GATAD2B: variants seen among roughly 807,000 people sequenced by gnomAD.
GATAD2B encodes transcriptional repressor p66-beta.
In GATAD2B, 8 loss-of-function variants were observed where a neutral mutation model predicts 64.3. The observed-to-expected ratio is 0.12, with a 90% CI of 0.07 to 0.22. The LOEUF (loss-of-function observed/expected upper bound fraction) is 0.22. Ranked by LOEUF, GATAD2B falls within the 10% of genes least tolerant of loss-of-function variation. GATAD2B has a pLI of 1.00. For synonymous variants in GATAD2B, 281 were observed against 271.3 expected (o/e 1.04, Z -0.35); for missense variants, 453 against 752.0 (o/e 0.60, Z 4.65).
chr1:153,811,521 G>A, intron 10 of GATAD2B: 1 of 632,756 alleles, frequency 1.6e-6, no homozygotes, highest in Non-Finnish European at 2.8e-6. Flanking sequence ...GTAGGATCTG[G>A]GTCATTTTCA....
intron 1 of GATAD2B, among the ~76,000 whole-genome samples, chr1:153,877,387 G>T (rs1340010579): frequency 6.6e-6 from 1 of 151,214 alleles, no homozygotes; most frequent in Non-Finnish European, 1.5e-5. Flanking sequence ...CCAAAGGGCA[G>T]ATTTCACATA....
chr1:153,843,915 A>C, intron 1 of GATAD2B, among the ~76,000 whole-genome samples: 1 of 152,154 alleles, frequency 6.6e-6, no homozygotes, highest in East Asian at 1.9e-4. Context: ...AGTGACAAGA[A>C]GCAAATGAAG....
intron 1 of GATAD2B, among the ~76,000 whole-genome samples, chr1:153,906,100 C>CCA (rs1157119943): frequency 1.1e-4 from 16 of 150,330 alleles, no homozygotes; most frequent in East Asian, 5.9e-4. Flanking sequence ...CCCCCGCACC[C>CCA]CACACACACA....
At chr1:153,847,178 G>A (rs1330976476) in intron 1 of GATAD2B, among the ~76,000 whole-genome samples, 1 of 151,956 alleles carries the variant, frequency 6.6e-6, no homozygotes, top group African/African-American at 2.4e-5. Flanking sequence ...TGTTGGCCAG[G>A]CTGGTCTTGA....
chr1:153,894,610 C>A (rs1677523900), intron 1 of GATAD2B, among the ~76,000 whole-genome samples: 3 of 152,236 alleles, frequency 2.0e-5, no homozygotes, highest in Admixed American at 2.0e-4. Context: ...CGCCTGTAAT[C>A]CTAGCACTTT....
Position 153,806,393 on chromosome 1 carries a change from A to C in GATAD2B, c.*3784T>G, listed in dbSNP as rs1224053030. ...ACAAATTAGGGGTGGGTGGTGGGGGAGGTGGCATCTCTAAGGAGGGATGGG... is the reference window on the plus strand; with the variant it reads ...ACAAATTAGGGGTGGGTGGTGGGGGCGGTGGCATCTCTAAGGAGGGATGGG... On this transcript the variant is annotated 3_prime_UTR_variant, in exon 11 of 11. Transcript: ENST00000368655. The C allele has an allele frequency of 2.5e-5, 2 of 81,160 alleles. No homozygotes were observed. The highest frequency in any genetic ancestry group is 1.5e-4 in the Admixed American group (1 of 6,536). The allele number at this position is 81,160 out of a possible 1,614,324, so 5.0% of individuals were successfully genotyped here.
chr1:153,911,644 G>A (rs1050382944), intron 1 of GATAD2B, among the ~76,000 whole-genome samples: 4 of 152,066 alleles, frequency 2.6e-5, no homozygotes, highest in Non-Finnish European at 5.9e-5. Context: ...GCTGAGGCAG[G>A]AGATTCACTT....
At chr1:153,903,013 T>C (rs1259881252) in intron 1 of GATAD2B, among the ~76,000 whole-genome samples, 1 of 151,954 alleles carries the variant, frequency 6.6e-6, no homozygotes, top group Non-Finnish European at 1.5e-5. Context: ...GTCAGGAGAT[T>C]GAGACCATCC....
chr1:153,812,115 T>C lies in GATAD2B; in HGVS notation c.1437A>G (p.Leu479=), dbSNP rs1674313137. 6.2e-7 allele frequency: 1 copy of C among 1,608,862 alleles called. No homozygotes were observed. Among genetic ancestry groups the C allele is most frequent in the African/African-American group, 1.3e-5 (1 of 74,746 alleles). ...LQQEQEIEQR[L]QQQAALSPTT... ...TGGGGGAGAGGGCTGCCTGCTGCTG[T>C]AATCGCTGTTCAATTTCCTGTTGGG... Residue 479 remains leucine (L), a synonymous_variant, in exon 9 of 11, where the codon TTA becomes TTG. Transcript: ENST00000368655.
intron 1 of GATAD2B, chr1:153,852,264 T>A: frequency 8.2e-7 from 1 of 1,214,234 alleles, no homozygotes; most frequent in Non-Finnish European, 1.2e-6. Flanking sequence ...ATCTAAAGAT[T>A]CCTTCATTTT....
At chr1:153,864,499 C>A (rs1325846211) in intron 1 of GATAD2B, among the ~76,000 whole-genome samples, 1 of 152,152 alleles carries the variant, frequency 6.6e-6, no homozygotes, top group Non-Finnish European at 1.5e-5. Flanking sequence ...TGCCTATAGT[C>A]CCAGCTACTT....
At chr1:153,846,410 A>G (rs1675689618) in intron 1 of GATAD2B, among the ~76,000 whole-genome samples, 1 of 150,576 alleles carries the variant, frequency 6.6e-6, no homozygotes, top group Non-Finnish European at 1.5e-5. Flanking sequence ...ATCTTTTTGT[A>G]TTTTTTTTGT....
intron 2 of GATAD2B, among the ~76,000 whole-genome samples, 177 bp from the exon 3 acceptor site, chr1:153,819,912 G>A (rs1384171395): frequency 2.0e-5 from 3 of 151,982 alleles, no homozygotes; most frequent in South Asian, 2.1e-4. Flanking sequence ...CAGCCTGACC[G>A]ACATGGTGAA....
chr1:153,812,279 C>T lies in GATAD2B; in HGVS notation c.1420-147G>A. On this transcript the variant is annotated intron_variant, in intron 8 of 10. Transcript: ENST00000368655. ...TCCTGGGCTCAAGCAATCCTCTCAC[C>T]TTAGCCTCCCCAAAGTGCTGGGATT... is the stretch of plus-strand genomic sequence containing the variant. The T allele has an allele frequency of 1.4e-5, 8 of 590,508 alleles. No individual in the cohort carries two copies. In the South Asian group the frequency reaches 1.7e-4, roughly 13 times the overall value. 36.6% of individuals were successfully genotyped at this position (590,508 alleles called of 1,614,324 possible). A position where few individuals can be genotyped will look rare whatever the true frequency, so the allele number is the denominator to read the frequency against.
intron 1 of GATAD2B, among the ~76,000 whole-genome samples, chr1:153,873,823 C>A (rs1676742749): frequency 1.3e-5 from 2 of 152,240 alleles, no homozygotes; most frequent in South Asian, 4.1e-4. Flanking sequence ...AAGGCACATG[C>A]CTGTAGTCCT....
chr1:153,905,175 C>A (rs1677887802), intron 1 of GATAD2B, among the ~76,000 whole-genome samples: 1 of 151,936 alleles, frequency 6.6e-6, no homozygotes, highest in Admixed American at 6.6e-5. Context: ...AAGAAAAATA[C>A]CCAGCCTGAC....
At chr1:153,844,856 T>C (rs1675626501) in intron 1 of GATAD2B, among the ~76,000 whole-genome samples, 1 of 150,660 alleles carries the variant, frequency 6.6e-6, no homozygotes, top group Non-Finnish European at 1.5e-5. Flanking sequence ...GGCACATGTA[T>C]ACATATGTAA....
chr1:153,868,860 G>C (rs1016749575), intron 1 of GATAD2B, among the ~76,000 whole-genome samples: 1 of 150,928 alleles, frequency 6.6e-6, no homozygotes, highest in African/African-American at 2.4e-5. Flanking sequence ...TCAGCCTCCC[G>C]AGTAGCTAGG....
chr1:153,846,060 G>A (rs999875893), intron 1 of GATAD2B, among the ~76,000 whole-genome samples: 7 of 146,724 alleles, frequency 4.8e-5, no homozygotes, highest in Non-Finnish European at 1.0e-4. Flanking sequence ...CATTTTTTTC[G>A]TTGTTAATTT....
Sources: gnomAD v4.1 joint callset for allele counts (sites outside exome capture counted in the v4.1 genomes callset) on GRCh38, gnomAD v4.1.1 for gene constraint, MANE v1.5 for transcripts, NCBI Gene and HGNC (gene_info 2026-07-23, HGNC 2026-07-21) for gene names.